Variants in COLEC10 observed in about 807,000 individuals in gnomAD.
COLEC10 encodes collectin-10.
In COLEC10, 22 loss-of-function variants were observed where a neutral mutation model predicts 28.4. The observed-to-expected ratio is 0.78, with a 90% CI of 0.55 to 1.11. The LOEUF (loss-of-function observed/expected upper bound fraction) is 1.11, where lower values mean the gene tolerates loss of function less well. Ranked by LOEUF, COLEC10 falls within the 50% of genes least tolerant of loss-of-function variation. COLEC10 has a pLI of 0.00. For missense variants in COLEC10, 361 were observed against 344.1 expected, an observed-to-expected ratio of 1.05 and a Z score of -0.39; for synonymous variants, 125 against 116.1, an observed-to-expected ratio of 1.08 and a Z score of -0.49.
the COLEC10 span, among the ~76,000 whole-genome samples, chr8:118,965,109 C>T: frequency 6.6e-6 from 1 of 152,034 alleles, no homozygotes; most frequent in Non-Finnish European, 1.5e-5. Context: ...TACAGACAAC[C>T]CAACTAAAGG....
At chr8:119,068,131 G>C (rs1440602437) in intron 1 of COLEC10, 1 of 152,156 alleles carries the variant, frequency 6.6e-6, no homozygotes, top group South Asian at 2.1e-4. Context: ...TCTGAAAGTG[G>C]TCACTGCACT....
At chr8:119,037,915 G>C (rs920992603) in intron 2 of COLEC10, among the ~76,000 whole-genome samples, 4 of 152,020 alleles carry the variant, frequency 2.6e-5, no homozygotes, top group African/African-American at 9.7e-5. Flanking sequence ...ATAAACTTTT[G>C]TTGTCTAACT....
chr8:119,079,692 A>T (rs2130253899), intron 1 of COLEC10, among the ~76,000 whole-genome samples: 1 of 151,166 alleles, frequency 6.6e-6, no homozygotes, highest in Non-Finnish European at 1.5e-5. Flanking sequence ...AAGCCAAATA[A>T]GCTTGAAAAC....
At chr8:118,993,197 A>AT (rs1169630335), upstream of COLEC10, among the ~76,000 whole-genome samples, 1 of 152,104 alleles carries the variant, frequency 6.6e-6, no homozygotes, top group African/African-American at 2.4e-5. Context: ...AACAACAGGT[A>AT]TTTATTTTCT....
chr8:118,953,355 A>G, the COLEC10 span, among the ~76,000 whole-genome samples: 1 of 152,226 alleles, frequency 6.6e-6, no homozygotes, highest in Non-Finnish European at 1.5e-5. Context: ...CAACACTTAG[A>G]CTTGCCATGG....
the COLEC10 span, among the ~76,000 whole-genome samples, chr8:118,971,619 G>A: frequency 0.14 from 21,337 of 151,866 alleles, 1,579 homozygotes; most frequent in Middle Eastern, 0.26. Flanking sequence ...GTCCTTTTAT[G>A]ACTGTTTTCT....
chr8:119,095,361 C>A (rs754860769), intron 3 of COLEC10, among the ~76,000 whole-genome samples: 1 of 152,026 alleles, frequency 6.6e-6, no homozygotes, highest in Non-Finnish European at 1.5e-5. Context: ...GTTAATATGC[C>A]AGTTCTTTCC....
intron 1 of COLEC10, among the ~76,000 whole-genome samples, chr8:118,999,203 G>C (rs1322309366): frequency 2.0e-5 from 3 of 152,126 alleles, no homozygotes; most frequent in Admixed American, 6.5e-5. Context: ...TGGTGTGTGA[G>C]TGACATTTGG....
chr8:119,006,009 G>C (rs1247564134), intron 1 of COLEC10, among the ~76,000 whole-genome samples: 1 of 152,052 alleles, frequency 6.6e-6, no homozygotes, highest in East Asian at 1.9e-4. Context: ...GTGTGCAGCA[G>C]TGCTTTTAAA....
intron 1 of COLEC10, among the ~76,000 whole-genome samples, chr8:119,074,389 AC>A (rs1210268652): frequency 6.6e-6 from 1 of 152,172 alleles, no homozygotes; most frequent in Non-Finnish European, 1.5e-5. Context: ...TATCTCATGC[AC>A]CCCATAAATG....
intron 2 of COLEC10, among the ~76,000 whole-genome samples, chr8:119,018,616 A>G (rs1346111652): frequency 2.0e-5 from 3 of 152,234 alleles, no homozygotes; most frequent in African/African-American, 4.8e-5. Context: ...AAAAATGGAT[A>G]TGTCTTGTGA....
intron 1 of COLEC10, chr8:119,009,333 G>A (rs1813862998): frequency 6.6e-6 from 1 of 150,644 alleles, no homozygotes; most frequent in Admixed American, 6.6e-5. Flanking sequence ...GTTGTTAAGA[G>A]GTACTAATGC....
intron 5 of COLEC10, among the ~76,000 whole-genome samples, chr8:119,105,060 A>G (rs1284558609): frequency 6.6e-6 from 1 of 152,150 alleles, no homozygotes; most frequent in Admixed American, 6.6e-5. Flanking sequence ...ATCCCAATTC[A>G]TGTACATGTT....
the COLEC10 span, among the ~76,000 whole-genome samples, chr8:118,960,114 A>G: frequency 3.9e-5 from 6 of 152,180 alleles, no homozygotes; most frequent in African/African-American, 1.4e-4. Flanking sequence ...AAACAAGGCT[A>G]CTGAAGACCC....
the COLEC10 span, among the ~76,000 whole-genome samples, chr8:118,955,346 G>T: frequency 6.6e-6 from 1 of 152,130 alleles, no homozygotes; most frequent in Non-Finnish European, 1.5e-5. Context: ...AAGTTATCTA[G>T]CTGACTCACT....
intron 2 of COLEC10, among the ~76,000 whole-genome samples, chr8:119,031,039 T>C (rs566349209): frequency 1.4e-4 from 21 of 152,336 alleles, no homozygotes; most frequent in Admixed American, 1.1e-3. Context: ...GTGATGCCAG[T>C]GTTACATCAT....
chr8:119,063,498 A>G (rs2465380), upstream of COLEC10, among the ~76,000 whole-genome samples: 41,425 of 151,892 alleles, frequency 0.27, 6,270 homozygotes, highest in East Asian at 0.66. Flanking sequence ...TTTCTGCCTC[A>G]GTCTTCACCT....
chr8:119,023,282 T>C (rs1814130127), intron 2 of COLEC10, among the ~76,000 whole-genome samples: 1 of 152,148 alleles, frequency 6.6e-6, no homozygotes, highest in Non-Finnish European at 1.5e-5. Flanking sequence ...ATTCCCCCAA[T>C]ATATAGTCCA....
chr8:119,024,233 T>A (rs1229462097), intron 2 of COLEC10, among the ~76,000 whole-genome samples: 1 of 152,110 alleles, frequency 6.6e-6, no homozygotes, highest in Non-Finnish European at 1.5e-5. Context: ...TGGGTACCAT[T>A]CATAGAACAT....
Sources: gnomAD v4.1 joint callset for allele counts (sites outside exome capture counted in the v4.1 genomes callset) on GRCh38, gnomAD v4.1.1 for gene constraint, MANE v1.5 for transcripts, NCBI Gene and HGNC (gene_info 2026-07-23, HGNC 2026-07-21) for gene names.